The following EEF1AKMT1 variants were observed in gnomAD, a reference collection of about 807,000 sequenced individuals.
EEF1AKMT1 encodes the protein EEF1A lysine methyltransferase 1.
A neutral mutation model predicts 21.0 loss-of-function variants in EEF1AKMT1; 18 were observed. The observed-to-expected ratio is 0.86, with a 90% CI of 0.59 to 1.27. The LOEUF (loss-of-function observed/expected upper bound fraction) is 1.27. Among genes scored for constraint, EEF1AKMT1 ranks in the 50% most tolerant of loss-of-function variants. The pLI, the probability that EEF1AKMT1 is intolerant of heterozygous loss-of-function variation, is 0.00. For synonymous variants in EEF1AKMT1, 109 were observed against 94.8 expected, an observed-to-expected ratio of 1.15 and a Z score of -0.87; for missense variants, 246 against 258.6, an observed-to-expected ratio of 0.95 and a Z score of 0.33.
In EEF1AKMT1 at chr13:20,728,864, C is replaced by T. The variant is rs1046728912; in HGVS notation, c.*216G>A. ...GCAGATTCTAAGGTTTCTTCCAACTCGAATTCCATGGATTCAGGTTGGCAG... is the reference window on the plus strand; with the variant it reads ...GCAGATTCTAAGGTTTCTTCCAACTTGAATTCCATGGATTCAGGTTGGCAG... On this transcript the variant is annotated 3_prime_UTR_variant, in exon 5 of 5. Coordinates refer to ENST00000382758, the MANE Select transcript of EEF1AKMT1 (RefSeq NM_001318939.2). 2 of 582,820 alleles carry T rather than the reference C, an allele frequency of 3.4e-6. No homozygotes were observed. The highest frequency in any genetic ancestry group is 1.9e-5 in the African/African-American group (1 of 53,484). 36.1% of individuals were successfully genotyped at this position (582,820 alleles called of 1,614,324 possible).
rs947805561 is a variant in EEF1AKMT1 at position 20,728,799 on chromosome 13, C to T, written c.*281G>A. 4.2e-5 allele frequency: 18 copies of T among 424,356 alleles called. No homozygotes were observed. Among genetic ancestry groups the T allele is most frequent in the African/African-American group, 2.0e-5 (1 of 49,636 alleles). 26.3% of individuals were successfully genotyped at this position (424,356 alleles called of 1,614,324 possible). ...CCCTTGGGCAAGCCACACAACTGTT[C>T]TTCTGTTTTTACACATGTTAAATGA... On this transcript the variant is annotated 3_prime_UTR_variant, in exon 5 of 5. Coordinates refer to ENST00000382758, the MANE Select transcript of EEF1AKMT1 (RefSeq NM_001318939.2).
intron 4 of EEF1AKMT1, 110 bp downstream of exon 4, chr13:20,731,731 C>T (rs1384829250): frequency 6.2e-6 from 7 of 1,121,580 alleles, no homozygotes; most frequent in South Asian, 1.5e-5. Flanking sequence ...AGTTAAATAA[C>T]TTGTTCACAA....
chr13:20,758,722 TA>T (rs2058983918), intron 1 of EEF1AKMT1, among the ~76,000 whole-genome samples: 1 of 152,128 alleles, frequency 6.6e-6, no homozygotes, highest in African/African-American at 2.4e-5. Context: ...AAAGCAATCC[TA>T]AGCAAAAAGA....
chr13:20,757,656 T>C (rs1566536544), intron 1 of EEF1AKMT1, 39 bp from the exon 2 acceptor site: 2 of 1,497,534 alleles, frequency 1.3e-6, no homozygotes, highest in Non-Finnish European at 1.8e-6. Context: ...CAGATTTTGT[T>C]TCCCCTTCCC....
In EEF1AKMT1 at chr13:20,746,984, C is replaced by T. The variant is rs187691817; in HGVS notation, c.145-9179G>A. ...TCTCCAGCATCCCACAGATGAAGCA[C>T]ACGTTCCACTTACCTACATAATAAA... On this transcript the variant is annotated intron_variant, in intron 2 of 4. Coordinates refer to ENST00000382758, the MANE Select transcript of EEF1AKMT1 (RefSeq NM_001318939.2). 372 of 152,830 alleles carry T rather than the reference C, an allele frequency of 2.4e-3. 2 individuals carry two copies. Among genetic ancestry groups the T allele is most frequent in the Admixed American group, 4.2e-3 (65 of 15,320 alleles). The allele number at this position is 152,830 out of a possible 1,614,324, so 9.5% of individuals were successfully genotyped here.
In EEF1AKMT1 at chr13:20,739,353, C is replaced by G. The variant is rs1029097725; in HGVS notation, c.145-1548G>C. Among the ~76,000 whole-genome samples the G allele has an allele frequency of 9.9e-5, 15 of 152,232 alleles. No individual in the cohort carries two copies. In the South Asian group the frequency reaches 2.5e-3, roughly 25 times the overall value. ...ATGGAAGGCAACCCAAGAGGGTTGC[C>G]GCCGCTAAGCAGGGGCAGCCTGCTT... On this transcript the variant is annotated intron_variant, in intron 2 of 4. Coordinates refer to ENST00000382758, the MANE Select transcript of EEF1AKMT1 (RefSeq NM_001318939.2).
chr13:20,745,835 G>A (rs1250791013), intron 2 of EEF1AKMT1, among the ~76,000 whole-genome samples: 17 of 151,968 alleles, frequency 1.1e-4, no homozygotes, highest in Middle Eastern at 3.4e-3. Flanking sequence ...GTGACAGAGC[G>A]AGACTACATC....
intron 2 of EEF1AKMT1, among the ~76,000 whole-genome samples, chr13:20,755,557 G>C (rs2058967394): frequency 6.6e-6 from 1 of 152,176 alleles, no homozygotes; most frequent in African/African-American, 2.4e-5. Context: ...ATTGATCCCT[G>C]TCAAGCAGGC....
intron 2 of EEF1AKMT1, among the ~76,000 whole-genome samples, chr13:20,753,347 A>C (rs145839879): frequency 1.3e-4 from 20 of 152,310 alleles, no homozygotes; most frequent in African/African-American, 4.6e-4. Flanking sequence ...TTTCTGTCCA[A>C]ACATAACCAC....
chr13:20,763,903 G>C (rs2059013585), intron 1 of EEF1AKMT1, among the ~76,000 whole-genome samples: 1 of 152,104 alleles, frequency 6.6e-6, no homozygotes, highest in African/African-American at 2.4e-5. Flanking sequence ...AAATTTATCT[G>C]GATAGAGATG....
intron 1 of EEF1AKMT1, among the ~76,000 whole-genome samples, chr13:20,763,265 G>T (rs1290485993): frequency 6.6e-6 from 1 of 151,980 alleles, no homozygotes; most frequent in African/African-American, 2.4e-5. Flanking sequence ...CATGTGCTAT[G>T]GATTCAATTG....
At chr13:20,736,733 CTTT>C (rs71087090) in intron 3 of EEF1AKMT1, among the ~76,000 whole-genome samples, 7 of 87,074 alleles carry the variant, frequency 8.0e-5, no homozygotes, top group Non-Finnish European at 1.5e-4. Context: ...AACCATTTGA[CTTT>C]TTTTTTTTTT....
At chr13:20,770,469 A>G (rs1412047845) in intron 1 of EEF1AKMT1, among the ~76,000 whole-genome samples, 1 of 152,224 alleles carries the variant, frequency 6.6e-6, no homozygotes, top group Admixed American at 6.5e-5. Flanking sequence ...GCTTGAAATG[A>G]ATAGTTCTAG....
At chr13:20,760,661 T>A (rs1007808893) in intron 1 of EEF1AKMT1, among the ~76,000 whole-genome samples, 2 of 152,078 alleles carry the variant, frequency 1.3e-5, no homozygotes, top group African/African-American at 4.8e-5. Context: ...ACCCTGCACA[T>A]GTATGCCCTG....
intron 3 of EEF1AKMT1, among the ~76,000 whole-genome samples, chr13:20,732,677 T>C (rs2058804382): frequency 6.6e-6 from 1 of 152,170 alleles, no homozygotes; most frequent in Admixed American, 6.5e-5. Flanking sequence ...GTTTTTATAG[T>C]GAAAAATGTA....
chr13:20,732,339 TC>T (rs1287117993), intron 3 of EEF1AKMT1, among the ~76,000 whole-genome samples: 1 of 152,228 alleles, frequency 6.6e-6, no homozygotes, highest in Non-Finnish European at 1.5e-5. Flanking sequence ...TAATTTTTTT[TC>T]TTTTTTTTTG....
intron 1 of EEF1AKMT1, among the ~76,000 whole-genome samples, chr13:20,772,407 T>G (rs1292161785): frequency 6.6e-6 from 1 of 152,198 alleles, no homozygotes; most frequent in East Asian, 1.9e-4. Flanking sequence ...AGAGACATTT[T>G]TGGTTGCCGT....
rs1388541517 is a variant in EEF1AKMT1 at position 20,757,476 on chromosome 13, A to G, written c.123T>C (p.Ile41=). 1.2e-6 allele frequency: 2 copies of G among 1,613,932 alleles called. No individual in the cohort carries two copies. The highest frequency in any genetic ancestry group is 1.7e-6 in the Non-Finnish European group (2 of 1,180,018). The change falls in exon 2 of 5, where the codon ATT becomes ATC. Residue 41 remains isoleucine, a synonymous_variant. Coordinates refer to ENST00000382758, the MANE Select transcript of EEF1AKMT1 (RefSeq NM_001318939.2). ...TTACCCAATTCTCTTCTATTATTCCAATGTTATATTTATCATCCTCGCCTG... is the reference window on the plus strand; with the variant it reads ...TTACCCAATTCTCTTCTATTATTCCGATGTTATATTTATCATCCTCGCCTG... ...IEPGEDDKYN[I]GIIEENWQLS...
intron 1 of EEF1AKMT1, among the ~76,000 whole-genome samples, chr13:20,763,970 A>C (rs961746847): frequency 2.0e-5 from 3 of 149,286 alleles, no homozygotes; most frequent in African/African-American, 7.4e-5. Flanking sequence ...GATATCCCCC[A>C]TTTCATTCCT....
Sources: gnomAD v4.1 joint callset for allele counts (sites outside exome capture counted in the v4.1 genomes callset) on GRCh38, gnomAD v4.1.1 for gene constraint, MANE v1.5 for transcripts, NCBI Gene and HGNC (gene_info 2026-07-23, HGNC 2026-07-21) for gene names.